RNF11: variants seen among roughly 807,000 people sequenced by gnomAD.
RNF11 encodes the protein ring finger protein 11.
A neutral mutation model predicts 15.8 loss-of-function variants in RNF11; 4 were observed. The ratio of observed to expected loss-of-function variants is 0.25; its 90% CI spans 0.12 to 0.58. RNF11 has a LOEUF of 0.58. Among genes scored for constraint, RNF11 ranks in the 20% least tolerant of loss-of-function variants. The probability of loss-of-function intolerance (pLI) is 0.91; values close to 1 mark genes in which losing one functional copy is unlikely to be tolerated. For missense variants in RNF11, 139 were observed against 194.4 expected (o/e 0.71, Z 1.70); for synonymous variants, 68 against 72.3 (o/e 0.94, Z 0.30).
At chr1:51,239,082 T>A (rs919598977) in intron 1 of RNF11, among the ~76,000 whole-genome samples, 2 of 151,882 alleles carry the variant, frequency 1.3e-5, no homozygotes, top group African/African-American at 4.8e-5. Context: ...CCCCTTCTAT[T>A]TTTAAAAAAA....
intron 1 of RNF11, among the ~76,000 whole-genome samples, chr1:51,265,470 T>A (rs1378202848): frequency 6.6e-6 from 1 of 152,224 alleles, no homozygotes; most frequent in African/African-American, 2.4e-5. Context: ...TTTCTCCTTT[T>A]CTTAAAGGCA....
chr1:51,272,089 T>C lies in RNF11; in HGVS notation c.*767T>C, dbSNP rs1031441583. The stretch of plus-strand genomic sequence containing the variant: ...TGGGGTTTAATATTACCCTTTCCTA[T>C]GTGTTTTATCTAATTATTTTGGTTG... On this transcript the variant is annotated 3_prime_UTR_variant, in exon 3 of 3. Transcript: ENST00000242719. 2.6e-5 allele frequency: 4 copies of C among 152,584 alleles called. No individual in the cohort carries two copies. The highest frequency in any genetic ancestry group is 9.7e-5 in the African/African-American group (4 of 41,424). The allele number at this position is 152,584 out of a possible 1,614,324, so 9.5% of individuals were successfully genotyped here.
intron 1 of RNF11, among the ~76,000 whole-genome samples, chr1:51,237,358 G>A (rs112322864): frequency 0.015 from 2,274 of 150,652 alleles, 58 homozygotes; most frequent in African/African-American, 0.053. Context: ...TTTTCCCTCT[G>A]CTTGGGAGAC....
chr1:51,238,056 C>T (rs1646812917), intron 1 of RNF11, among the ~76,000 whole-genome samples: 1 of 152,138 alleles, frequency 6.6e-6, no homozygotes. Flanking sequence ...TTACAGAAGC[C>T]TCCATGACTT....
At chr1:51,240,360 T>A (rs571338419) in intron 1 of RNF11, among the ~76,000 whole-genome samples, 1 of 152,264 alleles carries the variant, frequency 6.6e-6, no homozygotes, top group South Asian at 2.1e-4. Context: ...TTCAAGTCTT[T>A]TCTCACTGCC....
At chr1:51,255,120 C>G (rs950300416) in intron 1 of RNF11, among the ~76,000 whole-genome samples, 1 of 151,946 alleles carries the variant, frequency 6.6e-6, no homozygotes, top group Admixed American at 6.6e-5. Flanking sequence ...TAAAGAGGAA[C>G]TATATTATTT....
chr1:51,259,012 C>T (rs1326169314), intron 1 of RNF11, among the ~76,000 whole-genome samples: 1 of 152,208 alleles, frequency 6.6e-6, no homozygotes, highest in African/African-American at 2.4e-5. Context: ...TGTATCCCAT[C>T]CTTTATGGCT....
chr1:51,261,687 A>G (rs542677249), intron 1 of RNF11, among the ~76,000 whole-genome samples: 97 of 127,338 alleles, frequency 7.6e-4, no homozygotes, highest in Non-Finnish European at 1.4e-3. Flanking sequence ...CTGTGATAAG[A>G]TTTTTTTTTT....
intron 1 of RNF11, among the ~76,000 whole-genome samples, chr1:51,261,087 T>C (rs1646928498): frequency 6.6e-6 from 1 of 152,206 alleles, no homozygotes; most frequent in Admixed American, 6.6e-5. Context: ...ATCTGGACTT[T>C]TTTCTCATCC....
rs1219161890 is a variant in RNF11 at position 51,259,964 on chromosome 1, C to T, written c.124-9992C>T. On this transcript the variant is annotated intron_variant, in intron 1 of 2. Transcript: ENST00000242719. ...TCAATAGTTGTAGTCTTAAAAGCCC[C>T]TAAAAGCAGAAATGATATTACTTTG... is the stretch of plus-strand genomic sequence containing the variant. Among the ~76,000 whole-genome samples, 3 of 152,146 alleles carry T rather than the reference C, an allele frequency of 2.0e-5. No homozygotes were observed. In the East Asian group the frequency reaches 5.8e-4, roughly 29 times the overall value.
chr1:51,259,761 G>A (rs944286207), intron 1 of RNF11, among the ~76,000 whole-genome samples: 3 of 152,190 alleles, frequency 2.0e-5, no homozygotes, highest in Non-Finnish European at 4.4e-5. Context: ...TTAAAGATTG[G>A]TGAGGAGTGT....
Position 51,271,162 on chromosome 1 carries a change from G to C in RNF11, c.305G>C (p.Cys102Ser). 6.2e-7 allele frequency: 1 copy of C among 1,614,014 alleles called. No homozygotes were observed. The highest frequency in any genetic ancestry group is 8.5e-7 in the Non-Finnish European group (1 of 1,179,902). Residue 102 changes from cysteine to serine, a missense_variant, in exon 3 of 3, where the codon TGT becomes TCT. Physicochemically the swap from Cys to Ser is moderately radical, Grantham distance 112. Transcript: ENST00000242719. ...ATTGCTCTCAACAGGTGTGTGATCT[G>C]TATGATGGACTTTGTTTATGGGGAC... ...SEKKIRECVI[C>S]MMDFVYGDPI...
rs1238614114 is a variant in RNF11 at position 51,252,099 on chromosome 1, AAAAG to A, written c.123+15224_123+15227del. On this transcript the variant is annotated intron_variant, in intron 1 of 2. Transcript: ENST00000242719. ...CTCAAAGCAAAAAAAAAAAAAAAAA[AAAAG>A]AAACAGAAAAAGAAAATACAGTATA... Among the ~76,000 whole-genome samples, 10 of 151,650 alleles carry A rather than the reference AAAAG, an allele frequency of 6.6e-5. No individual in the cohort carries two copies. The East Asian group carries it at 1.7e-3, about 26-fold the overall frequency.
chr1:51,250,481 G>T, intron 1 of RNF11: 1 of 483,460 alleles, frequency 2.1e-6, no homozygotes. Flanking sequence ...GTTGAATAGC[G>T]TGGGTCCACT....
At chr1:51,245,699 C>G (rs982359021) in intron 1 of RNF11, among the ~76,000 whole-genome samples, 1 of 152,142 alleles carries the variant, frequency 6.6e-6, no homozygotes. Context: ...ATCCACCCAC[C>G]TAGGCCTACC....
chr1:51,241,774 G>A (rs750131930), intron 1 of RNF11, among the ~76,000 whole-genome samples: 17 of 152,214 alleles, frequency 1.1e-4, no homozygotes, highest in African/African-American at 4.1e-4. Context: ...TGGAAGGACA[G>A]TGAGTGGGAG....
At chr1:51,242,040 A>AATAT (rs1302655978) in intron 1 of RNF11, among the ~76,000 whole-genome samples, 1 of 152,206 alleles carries the variant, frequency 6.6e-6, no homozygotes, top group Non-Finnish European at 1.5e-5. Flanking sequence ...GTAGTTATAT[A>AATAT]GTTTGAGATT....
At chr1:51,237,426 A>G (rs535448387) in intron 1 of RNF11, among the ~76,000 whole-genome samples, 92 of 133,934 alleles carry the variant, frequency 6.9e-4, no homozygotes, top group South Asian at 1.8e-3. Context: ...GTGTGTGTGT[A>G]TATATATATA....
At chr1:51,241,644 G>A (rs934389749) in intron 1 of RNF11, among the ~76,000 whole-genome samples, 6 of 152,222 alleles carry the variant, frequency 3.9e-5, no homozygotes, top group African/African-American at 7.2e-5. Context: ...GATGCAAAGA[G>A]ATTTAGGGTG....
Sources: allele counts gnomAD v4.1 joint callset (sites outside exome capture counted in the v4.1 genomes callset), GRCh38; gene constraint gnomAD v4.1.1; transcripts MANE v1.5; gene names NCBI Gene and HGNC (gene_info 2026-07-23, HGNC 2026-07-21).